CALD1: variants seen among roughly 807,000 people sequenced by gnomAD.
CALD1 encodes caldesmon 1.
Under a neutral mutation model 99.9 loss-of-function variants are expected in CALD1, and 33 were observed. The observed-to-expected ratio is 0.33, with a 90% CI of 0.25 to 0.44. The LOEUF (loss-of-function observed/expected upper bound fraction) is 0.44, where lower values mean the gene tolerates loss of function less well. Ranked by LOEUF, CALD1 falls within the 20% of genes least tolerant of loss-of-function variation. The pLI is 1.00. For synonymous variants in CALD1, 310 were observed against 325.0 expected (o/e 0.95, Z 0.50); for missense variants, 861 against 962.1 (o/e 0.89, Z 1.39).
At chr7:134,801,514 ACT>A (rs1797940864) in intron 1 of CALD1, among the ~76,000 whole-genome samples, 1 of 152,134 alleles carries the variant, frequency 6.6e-6, no homozygotes, top group Non-Finnish European at 1.5e-5. Context: ...GTAAAAATAC[ACT>A]TTTTGCTTTT....
At chr7:134,755,461 T>C (rs529626339) in intron 1 of CALD1, among the ~76,000 whole-genome samples, 67 of 152,344 alleles carry the variant, frequency 4.4e-4, no homozygotes, top group Non-Finnish European at 7.6e-4. Context: ...CCTACTATTA[T>C]TTGGTTTTAC....
chr7:134,816,102 T>A (rs186568796), intron 1 of CALD1, among the ~76,000 whole-genome samples: 2 of 152,198 alleles, frequency 1.3e-5, no homozygotes, highest in African/African-American at 4.8e-5. Context: ...GTTGTATAAC[T>A]TCCCTCCAGG....
At chr7:134,826,150 A>G (rs934578854) in intron 1 of CALD1, among the ~76,000 whole-genome samples, 1 of 152,168 alleles carries the variant, frequency 6.6e-6, no homozygotes, top group African/African-American at 2.4e-5. Context: ...TAAATTCTCT[A>G]TATAAGGATA....
intron 3 of CALD1, among the ~76,000 whole-genome samples, chr7:134,894,133 C>A (rs1031666013): frequency 5.3e-5 from 8 of 152,126 alleles, no homozygotes; most frequent in Non-Finnish European, 1.2e-4. Flanking sequence ...CTAGGAATGT[C>A]CTTGTGGACA....
chr7:134,759,109 A>C (rs1796755384), intron 1 of CALD1, among the ~76,000 whole-genome samples: 1 of 152,204 alleles, frequency 6.6e-6, no homozygotes, highest in South Asian at 2.1e-4. Context: ...ATGCATGACC[A>C]TCACGTTTAT....
At position 134,783,639 on chromosome 7, in the gene CALD1, T is replaced by C. The variant is rs1797195507; in HGVS notation, c.-130+3890T>C. On this transcript the variant is annotated intron_variant, in intron 1 of 14. Coordinates refer to ENST00000361675, the MANE Select transcript of CALD1 (RefSeq NM_033138.4). The surrounding 1 kb of genome is among the most constrained non-coding windows in gnomAD (Gnocchi z 4.3). ...GTGTTGTTCTTCCCTGTGTTGTTGCTATGGAAACCTTTGAGAATCTGATAA... is the reference window on the plus strand; with the variant it reads ...GTGTTGTTCTTCCCTGTGTTGTTGCCATGGAAACCTTTGAGAATCTGATAA... 6.6e-6 allele frequency among the ~76,000 whole-genome samples: 1 copy of C among 152,178 alleles called. No individual in the cohort carries two copies. The highest frequency in any genetic ancestry group is 1.5e-5 in the Non-Finnish European group (1 of 68,036).
intron 1 of CALD1, among the ~76,000 whole-genome samples, chr7:134,810,886 CAT>C (rs1255654534): frequency 6.6e-6 from 1 of 152,180 alleles, no homozygotes; most frequent in Non-Finnish European, 1.5e-5. Flanking sequence ...TTCCCAAGCA[CAT>C]GTCTATCAAC....
At chr7:134,820,166 C>A (rs943222030) in intron 1 of CALD1, among the ~76,000 whole-genome samples, 2 of 152,142 alleles carry the variant, frequency 1.3e-5, no homozygotes, top group African/African-American at 4.8e-5. Flanking sequence ...GACATATTCT[C>A]AGTGTAATTT....
At chr7:134,797,428 A>C (rs1272291338) in intron 1 of CALD1, among the ~76,000 whole-genome samples, 1 of 152,222 alleles carries the variant, frequency 6.6e-6, no homozygotes, top group Non-Finnish European at 1.5e-5. Flanking sequence ...ACATATGTGA[A>C]AGTGCTTGTG....
At chr7:134,848,693 A>G (rs1306397880) in intron 2 of CALD1, among the ~76,000 whole-genome samples, 3 of 152,196 alleles carry the variant, frequency 2.0e-5, no homozygotes, top group Non-Finnish European at 4.4e-5. Context: ...AATTCCTCCC[A>G]TAAGTATATG....
chr7:134,812,492 C>T (rs555793272), intron 1 of CALD1, among the ~76,000 whole-genome samples: 1 of 151,652 alleles, frequency 6.6e-6, no homozygotes, highest in South Asian at 2.1e-4. Flanking sequence ...GGAGTGTTTA[C>T]ACAAGGAAGT....
At chr7:134,818,670 A>ATTTTTT (rs1798653189) in intron 1 of CALD1, among the ~76,000 whole-genome samples, 1 of 152,166 alleles carries the variant, frequency 6.6e-6, no homozygotes, top group African/African-American at 2.4e-5. Flanking sequence ...AGCAAAAATT[A>ATTTTTT]TTTTTAGACT....
At chr7:134,864,481 C>T (rs1040481354) in intron 2 of CALD1, among the ~76,000 whole-genome samples, 3 of 151,980 alleles carry the variant, frequency 2.0e-5, no homozygotes, top group African/African-American at 7.3e-5. Context: ...TCACTGCAAC[C>T]TCCACCTCAC....
chr7:134,749,874 C>G (rs16874543), intron 1 of CALD1, among the ~76,000 whole-genome samples: 32,368 of 152,042 alleles, frequency 0.21, 3,861 homozygotes, highest in African/African-American at 0.32. Context: ...ATACACAAAA[C>G]AGGTTCTTAC....
intron 1 of CALD1, among the ~76,000 whole-genome samples, chr7:134,831,737 T>C (rs1280083063): frequency 2.0e-5 from 3 of 152,178 alleles, no homozygotes; most frequent in Non-Finnish European, 4.4e-5. Flanking sequence ...ATGATTTTTG[T>C]TAGTGGAAGA....
At chr7:134,876,703 A>T (rs1430185385) in intron 3 of CALD1, among the ~76,000 whole-genome samples, 4 of 152,224 alleles carry the variant, frequency 2.6e-5, no homozygotes, top group African/African-American at 4.8e-5. Flanking sequence ...ATGTTGTGTT[A>T]GCATGATTCC....
intron 3 of CALD1, chr7:134,920,474 T>C: frequency 9.2e-7 from 1 of 1,086,730 alleles, no homozygotes; most frequent in Non-Finnish European, 1.1e-6. Flanking sequence ...GACTAAGAAG[T>C]CATCCTTTTT....
chr7:134,792,512 G>A (rs111877580), intron 1 of CALD1, among the ~76,000 whole-genome samples: 6,880 of 151,754 alleles, frequency 0.045, 201 homozygotes, highest in Non-Finnish European at 0.068. Context: ...GGCTGGTCTC[G>A]AACTCCTGCT....
At chr7:134,765,851 T>A (rs577632165) in intron 1 of CALD1, among the ~76,000 whole-genome samples, 1 of 152,204 alleles carries the variant, frequency 6.6e-6, no homozygotes, top group African/African-American at 2.4e-5. Flanking sequence ...ATCATGGGGA[T>A]GGATTTCTCA....
Sources: allele counts gnomAD v4.1 joint callset (sites outside exome capture counted in the v4.1 genomes callset), GRCh38; gene constraint gnomAD v4.1.1; non-coding constraint Gnocchi (gnomAD v3.1); transcripts MANE v1.5; gene names NCBI Gene and HGNC (gene_info 2026-07-23, HGNC 2026-07-21).